NCKAP5: variants seen among roughly 807,000 people sequenced by gnomAD.
NCKAP5 encodes nck-associated protein 5.
In NCKAP5, 92 loss-of-function variants were observed where a neutral mutation model predicts 167.0. The observed-to-expected ratio is 0.55, with a 90% confidence interval of 0.47 to 0.66. NCKAP5 has a LOEUF of 0.66. NCKAP5 is among the 30% of genes least tolerant of loss of function. NCKAP5 has a pLI of 0.00. For synonymous variants in NCKAP5, 891 were observed against 877.4 expected (o/e 1.02, Z -0.27); for missense variants, 2,378 against 2,315.0 (o/e 1.03, Z -0.56).
At chr2:133,607,431 T>C in the NCKAP5 span, among the ~76,000 whole-genome samples, 1 of 152,114 alleles carries the variant, frequency 6.6e-6, no homozygotes, top group South Asian at 2.1e-4. Context: ...CTTTAACCAG[T>C]CACCCATCCC....
intron 4 of NCKAP5, among the ~76,000 whole-genome samples, chr2:133,270,309 TA>T (rs1164419814): frequency 4.6e-5 from 7 of 152,094 alleles, no homozygotes; most frequent in African/African-American, 1.4e-4. Flanking sequence ...AACTAAACCT[TA>T]AAAAAATTAT....
intron 5 of NCKAP5, among the ~76,000 whole-genome samples, chr2:133,189,498 C>T (rs1240843497): frequency 6.6e-6 from 1 of 152,134 alleles, no homozygotes; most frequent in Non-Finnish European, 1.5e-5. Context: ...GAATTTTAGA[C>T]CAATATCCCT....
chr2:133,590,986 T>C, the NCKAP5 span, among the ~76,000 whole-genome samples: 1 of 152,080 alleles, frequency 6.6e-6, no homozygotes, highest in Non-Finnish European at 1.5e-5. Context: ...GATGTGTTTG[T>C]GAGTGGCACG....
chr2:133,618,651 A>C, the NCKAP5 span, among the ~76,000 whole-genome samples: 1 of 152,152 alleles, frequency 6.6e-6, no homozygotes, highest in African/African-American at 2.4e-5. Flanking sequence ...AAAGTCAGCA[A>C]ACAACAGGTG....
In NCKAP5 at chr2:132,881,695, T is replaced by C. The variant is rs79265709; in HGVS notation, c.580-2779A>G. 2.3e-3 allele frequency among the ~76,000 whole-genome samples: 353 copies of C among 152,056 alleles called. 2 individuals are homozygous for C. Among genetic ancestry groups the C allele is most frequent in the Middle Eastern group, 0.01 (3 of 294 alleles). ...ATGCTGGGCCCTTCTCAGTGCATCATAGCAGCCACGTGACATCCATGGGAC... is the reference window on the plus strand; with the variant it reads ...ATGCTGGGCCCTTCTCAGTGCATCACAGCAGCCACGTGACATCCATGGGAC... On this transcript the variant is annotated intron_variant, in intron 8 of 19. Coordinates refer to ENST00000409261, the MANE Select transcript of NCKAP5 (RefSeq NM_207363.3).
At chr2:133,670,115 C>A in the NCKAP5 span, among the ~76,000 whole-genome samples, 1 of 152,204 alleles carries the variant, frequency 6.6e-6, no homozygotes, top group Non-Finnish European at 1.5e-5. Flanking sequence ...TGGCTCTACC[C>A]CTTACCAGCT....
intron 19 of NCKAP5, among the ~76,000 whole-genome samples, chr2:132,705,516 G>A (rs1166539365): frequency 6.6e-6 from 1 of 152,086 alleles, no homozygotes; most frequent in Non-Finnish European, 1.5e-5. Context: ...TGATATATTT[G>A]ATCTCTTCTT....
intron 8 of NCKAP5, among the ~76,000 whole-genome samples, chr2:132,933,991 C>T (rs2149070796): frequency 6.6e-6 from 1 of 152,236 alleles, no homozygotes; most frequent in Non-Finnish European, 1.5e-5. Context: ...GGGCTTTTTG[C>T]CCAGTGGAGC....
intron 11 of NCKAP5, among the ~76,000 whole-genome samples, chr2:132,845,449 A>C (rs1426758124): frequency 6.6e-6 from 1 of 152,166 alleles, no homozygotes; most frequent in Non-Finnish European, 1.5e-5. Context: ...GTATTAACCC[A>C]TGTAAAATTT....
intron 3 of NCKAP5, among the ~76,000 whole-genome samples, chr2:133,329,299 C>T (rs1287231797): frequency 6.6e-6 from 1 of 151,932 alleles, no homozygotes; most frequent in Non-Finnish European, 1.5e-5. Context: ...GCCACGTGGA[C>T]AGGGAGCAAG....
At chr2:133,050,738 G>A (rs977311563) in intron 6 of NCKAP5, among the ~76,000 whole-genome samples, 2 of 152,206 alleles carry the variant, frequency 1.3e-5, no homozygotes, top group South Asian at 2.1e-4. Context: ...ATTCTCAAGG[G>A]AGCTGGTCTA....
At chr2:133,673,574 C>G in the NCKAP5 span, among the ~76,000 whole-genome samples, 1 of 152,214 alleles carries the variant, frequency 6.6e-6, no homozygotes, top group Admixed American at 6.5e-5. Context: ...TGAGGCAGCT[C>G]TTTCTGAAAT....
intron 3 of NCKAP5, among the ~76,000 whole-genome samples, chr2:133,376,956 GA>G (rs1686186530): frequency 6.6e-6 from 1 of 152,186 alleles, no homozygotes; most frequent in Admixed American, 6.5e-5. Context: ...AGGCCCAAAA[GA>G]AATTGTAAGT....
intron 6 of NCKAP5, among the ~76,000 whole-genome samples, chr2:133,013,645 T>G (rs138928709): frequency 8.7e-4 from 132 of 152,256 alleles, no homozygotes; most frequent in African/African-American, 2.9e-3. Context: ...GAGATGAGAT[T>G]TGGGTGGGAA....
chr2:132,695,839 T>A (rs1471164596), intron 19 of NCKAP5, among the ~76,000 whole-genome samples: 1 of 152,204 alleles, frequency 6.6e-6, no homozygotes, highest in African/African-American at 2.4e-5. Context: ...TCTCTGATGA[T>A]CTATTGTTTT....
intron 3 of NCKAP5, among the ~76,000 whole-genome samples, chr2:133,430,347 T>C (rs1690080643): frequency 6.6e-6 from 1 of 152,190 alleles, no homozygotes; most frequent in Non-Finnish European, 1.5e-5. Context: ...GTTGAGAGTT[T>C]CTTTTGCTGT....
At chr2:133,159,120 C>CAG (rs1408551509) in intron 5 of NCKAP5, among the ~76,000 whole-genome samples, 2 of 151,870 alleles carry the variant, frequency 1.3e-5, no homozygotes, top group Non-Finnish European at 2.9e-5. Flanking sequence ...CGGCTGGAAA[C>CAG]AGAGAGATGC....
At chr2:132,829,506 T>C (rs1687369877) in intron 11 of NCKAP5, among the ~76,000 whole-genome samples, 1 of 152,212 alleles carries the variant, frequency 6.6e-6, no homozygotes, top group Non-Finnish European at 1.5e-5. Flanking sequence ...ACATATTATC[T>C]ACATGAGCTT....
At chr2:132,805,027 C>T (rs868107111) in intron 11 of NCKAP5, among the ~76,000 whole-genome samples, 3 of 151,966 alleles carry the variant, frequency 2.0e-5, no homozygotes, top group South Asian at 2.1e-4. Context: ...TTGAGCAGCT[C>T]CCATCAAATT....
Sources: allele counts gnomAD v4.1 joint callset (sites outside exome capture counted in the v4.1 genomes callset), GRCh38; gene constraint gnomAD v4.1.1; transcripts MANE v1.5; gene names NCBI Gene and HGNC (gene_info 2026-07-23, HGNC 2026-07-21).